Variants in HOXC5 observed in about 807,000 individuals in gnomAD.
HOXC5 encodes the protein homeobox C5.
Under a neutral mutation model 20.1 loss-of-function variants are expected in HOXC5, and 19 were observed. The ratio of observed to expected loss-of-function variants is 0.94; its 90% CI spans 0.66 to 1.38. The LOEUF is 1.38. Ranked by LOEUF, HOXC5 falls within the 40% of genes most tolerant of loss-of-function variation. The probability of loss-of-function intolerance (pLI) is 0.00; values close to 1 mark genes in which losing one functional copy is unlikely to be tolerated. For synonymous variants in HOXC5, 124 were observed against 117.0 expected (o/e 1.06, Z -0.39); for missense variants, 330 against 300.1 (o/e 1.10, Z -0.74).
chr12:54,024,184 C>T, the HOXC5 span, among the ~76,000 whole-genome samples: 34 of 151,994 alleles, frequency 2.2e-4, no homozygotes, highest in African/African-American at 8.0e-4. Flanking sequence ...CCCAGTGGCA[C>T]AAAAGGGGCC....
At position 54,034,180 on chromosome 12, in the gene HOXC5, C is replaced by T. The variant is rs1001439680; in HGVS notation, c.455-98C>T. ...CTGTCTTGCGGCTCTCGCCTCCTCT[C>T]CCTCCGGCCGCGGGTGGGGGCCTGG... On this transcript the variant is annotated intron_variant, in intron 1 of 1. Transcript: ENST00000312492. 5.0e-6 allele frequency: 6 copies of T among 1,191,804 alleles called. No homozygotes were observed. The African/African-American group carries it at 6.0e-5, about 12-fold the overall frequency. The allele number at this position is 1,191,804 out of a possible 1,614,324, so 73.8% of individuals were successfully genotyped here.
chr12:54,026,280 G>A, the HOXC5 span, among the ~76,000 whole-genome samples: 1 of 152,200 alleles, frequency 6.6e-6, no homozygotes. Context: ...CTCCTGCCTT[G>A]TTGTCTCTCC....
At chr12:54,026,941 C>A in the HOXC5 span, among the ~76,000 whole-genome samples, 9 of 142,450 alleles carry the variant, frequency 6.3e-5, no homozygotes, top group South Asian at 6.6e-4. Context: ...AGCTTTCCCC[C>A]CCCCCAACCC....
chr12:54,016,909 G>C, the HOXC5 span: 3 of 152,212 alleles, frequency 2.0e-5, no homozygotes, highest in Non-Finnish European at 4.4e-5. Context: ...CTCCCTGTAA[G>C]AGCCTAACCA....
the HOXC5 span, chr12:54,021,589 T>A: frequency 6.6e-6 from 1 of 152,228 alleles, no homozygotes; most frequent in African/African-American, 2.4e-5. Context: ...CTCTAGGTGA[T>A]CGGGTTCCTC....
chr12:54,018,927 C>A, the HOXC5 span, among the ~76,000 whole-genome samples: 1 of 152,138 alleles, frequency 6.6e-6, no homozygotes, highest in African/African-American at 2.4e-5. Context: ...CCTGTTTAAA[C>A]CCTGACCCGT....
chr12:54,019,338 C>T, the HOXC5 span, among the ~76,000 whole-genome samples: 1 of 152,198 alleles, frequency 6.6e-6, no homozygotes, highest in African/African-American at 2.4e-5. Context: ...CGCTCAGGCA[C>T]GGCCCAGTGG....
chr12:54,028,679 C>T (rs781157605), upstream of HOXC5: 3 of 1,614,128 alleles, frequency 1.9e-6, no homozygotes, highest in South Asian at 2.2e-5. Flanking sequence ...TACTCGACTC[C>T]CTTTTATTCG....
the HOXC5 span, among the ~76,000 whole-genome samples, chr12:54,018,306 C>T: frequency 6.6e-6 from 1 of 152,192 alleles, no homozygotes; most frequent in Non-Finnish European, 1.5e-5. Context: ...GATGCCCGCT[C>T]GCCACGCATG....
chr12:54,026,964 T>TG, the HOXC5 span, among the ~76,000 whole-genome samples: 3,005 of 127,214 alleles, frequency 0.024, 54 homozygotes, highest in African/African-American at 0.058. Flanking sequence ...CCAAAAATGG[T>TG]GGGGGGGGGG....
upstream of HOXC5, among the ~76,000 whole-genome samples, chr12:54,032,341 C>T (rs1941016857): frequency 6.6e-6 from 1 of 152,238 alleles, no homozygotes; most frequent in Non-Finnish European, 1.5e-5. Flanking sequence ...TCCTGTCTAC[C>T]TCTTCAGAAG....
upstream of HOXC5, chr12:54,030,116 C>T (rs906227310): frequency 2.9e-6 from 2 of 698,646 alleles, no homozygotes; most frequent in Non-Finnish European, 4.6e-6. Context: ...TGAAAGTCAG[C>T]TCTGGACCCC....
In HOXC5 at chr12:54,034,673, C is replaced by T; in HGVS notation, c.*181C>T. The T allele has an allele frequency of 1.7e-6, 1 of 595,502 alleles. No individual in the cohort carries two copies. Among genetic ancestry groups the T allele is most frequent in the Non-Finnish European group, 3.0e-6 (1 of 337,328 alleles). The allele number at this position is 595,502 out of a possible 1,614,324, so 36.9% of individuals were successfully genotyped here. A position where few individuals can be genotyped will look rare whatever the true frequency, so the allele number is the denominator to read the frequency against. ...CGCATCCCTACCGACCCAGGGTTCC[C>T]GCGGGGCTGTCGGCGCTGCCCCATC... On this transcript the variant is annotated 3_prime_UTR_variant, in exon 2 of 2. Coordinates refer to ENST00000312492, the MANE Select transcript of HOXC5 (RefSeq NM_018953.4).
upstream of HOXC5, among the ~76,000 whole-genome samples, chr12:54,029,404 C>T (rs1940885155): frequency 1.4e-5 from 1 of 70,402 alleles, no homozygotes; most frequent in African/African-American, 7.2e-5. Flanking sequence ...TTTTGCCCCG[C>T]CCCCCCGCCC....
At chr12:54,028,261 A>ATTT (rs770385019), upstream of HOXC5, 153 of 214,016 alleles carry the variant, frequency 7.1e-4, 2 homozygotes, top group African/African-American at 3.5e-3. Context: ...ATATATATAT[A>ATTT]TATATATTTT....
upstream of HOXC5, chr12:54,029,600 C>G (rs749797582): frequency 1.3e-6 from 2 of 1,560,234 alleles, no homozygotes; most frequent in African/African-American, 2.7e-5. Flanking sequence ...GCGAAACAGT[C>G]TGCAGAGGAC....
chr12:54,034,504 G>A lies in HOXC5; in HGVS notation c.*12G>A, dbSNP rs1007760834. 3 of 1,606,560 alleles carry A rather than the reference G, an allele frequency of 1.9e-6. No individual in the cohort carries two copies. Among genetic ancestry groups the A allele is most frequent in the African/African-American group, 1.3e-5 (1 of 74,846 alleles). ...AAGAGGCTCTTTAGAGGCAGCGGGGGAGGCCCGCAGAGCGCGCCCCTAGCC... is the reference window on the plus strand; with the variant it reads ...AAGAGGCTCTTTAGAGGCAGCGGGGAAGGCCCGCAGAGCGCGCCCCTAGCC... On this transcript the variant is annotated 3_prime_UTR_variant, in exon 2 of 2. Transcript: ENST00000312492.
In HOXC5 at chr12:54,033,336, G is replaced by A. The variant is rs1245081272; in HGVS notation, c.214G>A (p.Asp72Asn). 1 of 1,612,742 alleles carries A rather than the reference G, an allele frequency of 6.2e-7. No individual in the cohort carries two copies. The highest frequency in any genetic ancestry group is 1.3e-5 in the African/African-American group (1 of 74,880). Reference sequence around the variant, plus strand: ...GGCTGCCAACCCCCGGGCTCACCCCGACCGCCCCGCCTGCAGCGCCGCGGC... The same window carrying A: ...GGCTGCCAACCCCCGGGCTCACCCCAACCGCCCCGCCTGCAGCGCCGCGGC... ...DMAANPRAHP[D>N]RPACSAAAAP... Residue 72 changes from aspartate (D) to asparagine (N), a missense_variant, in exon 1 of 2, where the codon GAC (aspartate) becomes AAC (asparagine). Transcript: ENST00000312492.
the HOXC5 span, among the ~76,000 whole-genome samples, chr12:54,017,990 G>C: frequency 2.0e-5 from 3 of 152,206 alleles, no homozygotes; most frequent in African/African-American, 7.2e-5. Context: ...GCAGGAAGCC[G>C]GCGCAGCTAG....
Sources: allele counts gnomAD v4.1 joint callset (sites outside exome capture counted in the v4.1 genomes callset), GRCh38; gene constraint gnomAD v4.1.1; transcripts MANE v1.5; gene names NCBI Gene and HGNC (gene_info 2026-07-23, HGNC 2026-07-21).